The following ZC3H7B variants were observed in gnomAD, a reference collection of about 807,000 sequenced individuals.
The protein encoded by ZC3H7B is zinc finger CCCH-type containing 7B, also known as zinc finger CCCH domain-containing protein 7B.
In ZC3H7B, 35 loss-of-function variants were observed where a neutral mutation model predicts 116.0. The observed-to-expected ratio is 0.30, with a 90% confidence interval of 0.23 to 0.40. The LOEUF is 0.40. Ranked by LOEUF, ZC3H7B falls within the 10% of genes least tolerant of loss-of-function variation. The probability of loss-of-function intolerance (pLI) is 1.00; values close to 1 mark genes in which losing one functional copy is unlikely to be tolerated. For missense variants in ZC3H7B, 1,011 were observed against 1,321.5 expected, an observed-to-expected ratio of 0.77 and a Z score of 3.64; for synonymous variants, 502 against 545.6, an observed-to-expected ratio of 0.92 and a Z score of 1.11.
chr22:41,350,071 C>G (rs1275249893), intron 16 of ZC3H7B, among the ~76,000 whole-genome samples: 1 of 152,150 alleles, frequency 6.6e-6, no homozygotes, highest in Non-Finnish European at 1.5e-5. Flanking sequence ...GGGACAGAGA[C>G]AGACTCGGGG....
chr22:41,353,978 C>T (rs1447796727), intron 17 of ZC3H7B, among the ~76,000 whole-genome samples: 1 of 152,188 alleles, frequency 6.6e-6, no homozygotes, highest in Non-Finnish European at 1.5e-5. Context: ...TCACCTGTAG[C>T]CCAGCTACTC....
rs1386956956 is a variant in ZC3H7B, at chr22:41,349,216, G to A, written c.1863G>A (p.Val621=). 2 of 1,613,650 alleles carry A rather than the reference G, an allele frequency of 1.2e-6. No homozygotes were observed. Among genetic ancestry groups the A allele is most frequent in the African/African-American group, 1.3e-5 (1 of 74,936 alleles). The change falls in exon 16 of 23, where the codon GTG becomes GTA. Residue 621 remains valine (V), a synonymous_variant. Coordinates refer to ENST00000352645, the MANE Select transcript of ZC3H7B (RefSeq NM_017590.6). This position sits in a 1 kb window ranked among gnomAD's most constrained non-coding sequence, Gnocchi z 4.9. ...HFQFDVCRHE[V]RYGCLREDSC... ...AGTTCGACGTGTGCCGCCATGAGGT[G>A]CGCTACGGCTGCCTGCGGGAGGACA...
intron 1 of ZC3H7B, among the ~76,000 whole-genome samples, chr22:41,309,333 A>G (rs1399521984): frequency 7.2e-6 from 1 of 139,520 alleles, no homozygotes; most frequent in Non-Finnish European, 1.5e-5. Flanking sequence ...TCTTTTTTTG[A>G]GACAGAGTCT....
chr22:41,311,847 C>T (rs1035478374), intron 1 of ZC3H7B, among the ~76,000 whole-genome samples: 11 of 152,020 alleles, frequency 7.2e-5, no homozygotes, highest in African/African-American at 2.7e-4. Context: ...AAATCTGCTT[C>T]GTTTTTTGTT....
intron 1 of ZC3H7B, among the ~76,000 whole-genome samples, chr22:41,312,442 A>G (rs1000152653): frequency 6.0e-5 from 9 of 149,136 alleles, no homozygotes; most frequent in South Asian, 2.1e-4. Context: ...TCTTAATGAT[A>G]ATAATAATAA....
In ZC3H7B at chr22:41,346,098, A is replaced by T. The variant is rs1451625752; in HGVS notation, c.1555A>T (p.Thr519Ser). 1.2e-6 allele frequency: 2 copies of T among 1,613,616 alleles called. No homozygotes were observed. Among genetic ancestry groups the T allele is most frequent in the African/African-American group, 2.7e-5 (2 of 74,870 alleles). Residue 519 changes from threonine to serine, a missense_variant, in exon 14 of 23, where the codon ACC (threonine) becomes TCC (serine). By Grantham distance (58) the Thr-to-Ser change is moderately conservative (BLOSUM62 1). This residue lies in a region of ZC3H7B where 179 missense variants were observed against 178.5 expected (regional missense o/e 1.00). Coordinates refer to ENST00000352645, the MANE Select transcript of ZC3H7B (RefSeq NM_017590.6). This position sits in a 1 kb window ranked among gnomAD's most constrained non-coding sequence, Gnocchi z 5.3. ...IDVWTEERKG[T>S]LNRDLLFDPL... is the part of the protein sequence containing the mutation. ...CGTGTGGACCGAGGAGCGGAAGGGC[A>T]CCCTCAACCGCGACCTGCTCTTCGA...
chr22:41,320,017 C>T lies in ZC3H7B; in HGVS notation c.-6-638C>T, dbSNP rs1473285040. Among the ~76,000 whole-genome samples, 18 of 137,838 alleles carry T rather than the reference C, an allele frequency of 1.3e-4. No homozygotes were observed. The East Asian group carries it at 1.7e-3, about 13-fold the overall frequency. The allele number at this position is 137,838 out of a possible 152,430, so 90.4% of individuals were successfully genotyped here. A position where few individuals can be genotyped will look rare whatever the true frequency, so the allele number is the denominator to read the frequency against. On this transcript the variant is annotated intron_variant, in intron 1 of 22. Transcript: ENST00000352645. Reference sequence around the variant, plus strand: ...CTGCACTCCAGTCTGGGCAATAGAGCGAGACTCCATCTCAAAAAAAAAAAA... The same window carrying T: ...CTGCACTCCAGTCTGGGCAATAGAGTGAGACTCCATCTCAAAAAAAAAAAA...
chr22:41,343,417 C>CCCCA lies in ZC3H7B; in HGVS notation c.1303_1304insACCC (p.Arg435HisfsTer10). ...ATGTGTGTCCACCCTGCCCATAGGC[C>CCCCA]CCCGGGCTGGCGACTACACCTACCG... On this transcript the variant is annotated frameshift_variant, in exon 13 of 23. Transcript: ENST00000352645. LOFTEE classifies it high-confidence loss of function. The CCCCA allele has an allele frequency of 6.2e-7, 1 of 1,608,942 alleles. No individual in the cohort carries two copies. Among genetic ancestry groups the CCCCA allele is most frequent in the Non-Finnish European group, 8.5e-7 (1 of 1,176,368 alleles).
chr22:41,328,142 A>G (rs1038513088), intron 5 of ZC3H7B, among the ~76,000 whole-genome samples: 3 of 151,952 alleles, frequency 2.0e-5, no homozygotes, highest in African/African-American at 7.3e-5. Flanking sequence ...AAAAAAAAAA[A>G]AGCCTTTCTT....
intron 1 of ZC3H7B, among the ~76,000 whole-genome samples, chr22:41,309,560 C>T (rs2036091758): frequency 6.6e-6 from 1 of 152,018 alleles, no homozygotes; most frequent in Admixed American, 6.6e-5. Flanking sequence ...AGTGATCTGC[C>T]CACCTCAGCC....
At chr22:41,315,256 A>G (rs2036167086) in intron 1 of ZC3H7B, among the ~76,000 whole-genome samples, 1 of 151,896 alleles carries the variant, frequency 6.6e-6, no homozygotes, top group African/African-American at 2.4e-5. Flanking sequence ...GGCTCAGTGC[A>G]TCCTTGACCT....
At chr22:41,312,434 T>TTAA (rs766654717) in intron 1 of ZC3H7B, among the ~76,000 whole-genome samples, 48 of 134,598 alleles carry the variant, frequency 3.6e-4, no homozygotes, top group Admixed American at 1.1e-3. Flanking sequence ...AGACCCTGTC[T>TTAA]TAATGATAAT....
chr22:41,307,507 C>G (rs1337054370), intron 1 of ZC3H7B, among the ~76,000 whole-genome samples: 1 of 152,200 alleles, frequency 6.6e-6, no homozygotes, highest in African/African-American at 2.4e-5. Flanking sequence ...GCGCTTGTTC[C>G]CTTCAGAAAC....
At chr22:41,320,754 A>G in intron 2 of ZC3H7B, 41 bp downstream of exon 2, 1 of 1,601,504 alleles carries the variant, frequency 6.2e-7, no homozygotes, top group Non-Finnish European at 8.6e-7. Context: ...CTGGGTGGGC[A>G]AGGGTGGGTT....
chr22:41,348,002 G>C, intron 14 of ZC3H7B, 65 bp from the exon 15 acceptor site: 1 of 1,389,870 alleles, frequency 7.2e-7, no homozygotes, highest in Admixed American at 1.7e-5. Context: ...TAGCTGTGTG[G>C]GGTCCCAGCT....
At position 41,346,110 on chromosome 22, in the gene ZC3H7B, G is replaced by A. The variant is rs748060799; in HGVS notation, c.1567G>A (p.Asp523Asn). The change falls in exon 14 of 23, where the codon GAC becomes AAC. Residue 523 changes from aspartate to asparagine, a missense_variant. Physicochemically the swap from Asp to Asn is conservative, Grantham distance 23. Coordinates refer to ENST00000352645, the MANE Select transcript of ZC3H7B (RefSeq NM_017590.6). This position sits in a 1 kb window ranked among gnomAD's most constrained non-coding sequence, Gnocchi z 5.3. ...GGAGCGGAAGGGCACCCTCAACCGC[G>A]ACCTGCTCTTCGACCCGCTGGGGGG... is the stretch of plus-strand genomic sequence containing the variant. ...TEERKGTLNR[D>N]LLFDPLGGVK... 1.5e-5 allele frequency: 24 copies of A among 1,613,636 alleles called. No homozygotes were observed. Among genetic ancestry groups the A allele is most frequent in the African/African-American group, 1.3e-5 (1 of 74,916 alleles).
rs369862714 is a variant in ZC3H7B at position 41,343,500 on chromosome 22, G to A, written c.1383G>A (p.Ser461=). Residue 461 remains serine (S), a synonymous_variant, in exon 13 of 23, where the codon TCG becomes TCA. Transcript: ENST00000352645. ...RDILLGRLRS[S]EDQTWKRIRP... ...TCCTGCTCGGCCGGCTCCGGAGCTC[G>A]GAGGACCAGACCTGGAAGCGGATCC... 172 of 1,613,656 alleles carry A rather than the reference G, an allele frequency of 1.1e-4. No individual in the cohort carries two copies. The highest frequency in any genetic ancestry group is 1.4e-4 in the Non-Finnish European group (161 of 1,179,920).
chr22:41,309,847 A>G (rs2145897463), intron 1 of ZC3H7B, among the ~76,000 whole-genome samples: 1 of 152,222 alleles, frequency 6.6e-6, no homozygotes, highest in South Asian at 2.1e-4. Flanking sequence ...GAATAATAGT[A>G]GGAGGTTGGC....
intron 17 of ZC3H7B, among the ~76,000 whole-genome samples, chr22:41,352,711 G>A (rs2036668099): frequency 6.6e-6 from 1 of 151,878 alleles, no homozygotes; most frequent in Non-Finnish European, 1.5e-5. Context: ...GCAGTGAGCT[G>A]AGATCACGCT....
Sources: gnomAD v4.1 joint callset for allele counts (sites outside exome capture counted in the v4.1 genomes callset) on GRCh38, gnomAD v4.1.1 for gene constraint, gnomAD v4.1.1 regional missense constraint, Gnocchi (gnomAD v3.1) non-coding constraint, MANE v1.5 for transcripts, NCBI Gene and HGNC (gene_info 2026-07-23, HGNC 2026-07-21) for gene names.